ITPKB: variants seen among roughly 807,000 people sequenced by gnomAD.
ITPKB encodes the protein IP3 3-kinase B.
Under a neutral mutation model 69.4 loss-of-function variants are expected in ITPKB, and 13 were observed. The ratio of observed to expected loss-of-function variants is 0.19; its 90% CI spans 0.12 to 0.30. The LOEUF is 0.30. Ranked by LOEUF, ITPKB falls within the 10% of genes least tolerant of loss-of-function variation. The probability of loss-of-function intolerance (pLI) is 1.00; values close to 1 mark genes in which losing one functional copy is unlikely to be tolerated. For missense variants in ITPKB, 1,240 were observed against 1,250.5 expected (o/e 0.99, Z 0.13); for synonymous variants, 584 against 513.7 (o/e 1.14, Z -1.85).
Position 226,634,212 on chromosome 1 carries a change from C to T in ITPKB, c.*459G>A, listed in dbSNP as rs1428216564. On this transcript the variant is annotated 3_prime_UTR_variant, in exon 8 of 8. Transcript: ENST00000429204. This position sits in a 1 kb window ranked among gnomAD's most constrained non-coding sequence, Gnocchi z 6.3. ...CCTGCTCCCAGCCAGGGACCAGGAACCCGGCCGGCCCCCTGGGCTCTCCGG... is the reference window on the plus strand; with the variant it reads ...CCTGCTCCCAGCCAGGGACCAGGAATCCGGCCGGCCCCCTGGGCTCTCCGG... The T allele has an allele frequency of 1.9e-5, 3 of 159,564 alleles. No individual in the cohort carries two copies. The highest frequency in any genetic ancestry group is 4.2e-5 in the Non-Finnish European group (3 of 71,794). 9.9% of individuals were successfully genotyped at this position (159,564 alleles called of 1,614,324 possible).
At chr1:226,716,999 C>A (rs16846413) in intron 2 of ITPKB, among the ~76,000 whole-genome samples, 1 of 152,198 alleles carries the variant, frequency 6.6e-6, no homozygotes, top group Non-Finnish European at 1.5e-5. Flanking sequence ...GGAGAAATAA[C>A]CATGCCTTTT....
At chr1:226,700,071 A>C (rs1656597120) in intron 2 of ITPKB, among the ~76,000 whole-genome samples, 1 of 152,176 alleles carries the variant, frequency 6.6e-6, no homozygotes. Flanking sequence ...CTCGCAGCTA[A>C]TTAGATGGTG....
intron 2 of ITPKB, among the ~76,000 whole-genome samples, chr1:226,717,214 G>T (rs1657118171): frequency 6.6e-6 from 1 of 152,174 alleles, no homozygotes; most frequent in Non-Finnish European, 1.5e-5. Flanking sequence ...ACTTTCTGCT[G>T]CCCCCTCCTG....
At chr1:226,647,123 C>T in intron 4 of ITPKB, 44 bp downstream of exon 4, 1 of 1,577,066 alleles carries the variant, frequency 6.3e-7, no homozygotes. Flanking sequence ...TGCCATGTGG[C>T]TTGCACTGAG....
chr1:226,726,431 G>T, intron 2 of ITPKB, among the ~76,000 whole-genome samples: 1 of 152,168 alleles, frequency 6.6e-6, no homozygotes, highest in Non-Finnish European at 1.5e-5. Context: ...GGCCAAGGCG[G>T]ATTGGGAGGC....
At chr1:226,707,610 T>G in intron 2 of ITPKB, 1 of 988,294 alleles carries the variant, frequency 1.0e-6, no homozygotes, top group Non-Finnish European at 1.2e-6. Flanking sequence ...GGGGGCTCAA[T>G]GGGGATAAAT....
chr1:226,697,108 A>G (rs1656507899), intron 2 of ITPKB, among the ~76,000 whole-genome samples: 2 of 152,264 alleles, frequency 1.3e-5, no homozygotes, highest in Non-Finnish European at 2.9e-5. Context: ...AATATAGTTC[A>G]CCAAAGCAGA....
chr1:226,713,293 T>C (rs997836120), intron 2 of ITPKB, among the ~76,000 whole-genome samples: 12 of 152,278 alleles, frequency 7.9e-5, no homozygotes, highest in Middle Eastern at 3.4e-3. Context: ...ACTCCCACAT[T>C]TACCCTGGCT....
chr1:226,648,148 G>A lies in ITPKB; in HGVS notation c.2032+524C>T, dbSNP rs548830141. 3.9e-4 allele frequency among the ~76,000 whole-genome samples: 59 copies of A among 152,298 alleles called. 1 individual carries two copies. In the South Asian group the frequency reaches 0.011, roughly 28 times the overall value. On this transcript the variant is annotated intron_variant, in intron 3 of 7. Coordinates refer to ENST00000429204, the MANE Select transcript of ITPKB (RefSeq NM_002221.4). ...TCCTAGCCACCTTCCTCCCAACACCGCACACCGCCCTGCAGTTATGGGGTG... is the reference window on the plus strand; with the variant it reads ...TCCTAGCCACCTTCCTCCCAACACCACACACCGCCCTGCAGTTATGGGGTG...
Position 226,735,543 on chromosome 1 carries a change from T to C in ITPKB, c.1916A>G (p.Gln639Arg), listed in dbSNP as rs1657719275. 1 of 1,518,600 alleles carries C rather than the reference T, an allele frequency of 6.6e-7. No individual in the cohort carries two copies. Among genetic ancestry groups the C allele is most frequent in the Admixed American group, 2.2e-5 (1 of 44,958 alleles). 94.1% of individuals were successfully genotyped at this position (1,518,600 alleles called of 1,614,324 possible). Residue 639 changes from glutamine to arginine, a missense_variant, in exon 2 of 8, where the codon CAG (glutamine) becomes CGG (arginine). Gln to Arg is a conservative substitution (Grantham distance 43). Transcript: ENST00000429204. Reference protein sequence around the residue: ...PNSAFLHTLDQQKPRVSKSWR... With the variant: ...PNSAFLHTLDRQKPRVSKSWR... ...AAGACTTACCACTCTAGGTTTCTGC[T>C]GGTCCAGGGTATGCAGGAAGGCTGA...
chr1:226,727,539 A>C (rs1169187578), intron 2 of ITPKB, among the ~76,000 whole-genome samples: 1 of 152,180 alleles, frequency 6.6e-6, no homozygotes, highest in East Asian at 1.9e-4. Context: ...GAAAATATTA[A>C]GCACTGGTAA....
intron 2 of ITPKB, among the ~76,000 whole-genome samples, chr1:226,733,520 A>G (rs1196194497): frequency 6.6e-6 from 1 of 152,122 alleles, no homozygotes; most frequent in Non-Finnish European, 1.5e-5. Flanking sequence ...CCAAAGCTCA[A>G]AAGTCCCTAG....
chr1:226,724,345 C>G (rs756769502), intron 2 of ITPKB, among the ~76,000 whole-genome samples: 12 of 152,162 alleles, frequency 7.9e-5, no homozygotes, highest in Non-Finnish European at 1.5e-4. Context: ...ATGACTTCTC[C>G]TCTTCCAAGG....
intron 4 of ITPKB, among the ~76,000 whole-genome samples, chr1:226,643,100 A>G (rs1013197282): frequency 2.6e-5 from 4 of 152,122 alleles, no homozygotes. Flanking sequence ...TTCCAACTCA[A>G]CTGCCTCACG....
rs971248953 is a variant in ITPKB, at chr1:226,634,899, T to A, written c.2626-13A>T. On this transcript the variant is annotated splice_polypyrimidine_tract_variant and intron_variant, in intron 7 of 7. Transcript: ENST00000429204. This position sits in a 1 kb window ranked among gnomAD's most constrained non-coding sequence, Gnocchi z 6.3. ...AGCTGCCAATGACCTGAGGAGAACA[T>A]GGGGGTGAAGGGTGAGCTGAAGCCC... 1.2e-6 allele frequency: 2 copies of A among 1,604,786 alleles called. No individual in the cohort carries two copies. The highest frequency in any genetic ancestry group is 3.4e-5 in the Admixed American group (2 of 59,574).
Position 226,707,189 on chromosome 1 carries a change from A to T in ITPKB, c.1932+28338T>A, listed in dbSNP as rs967462193. ...GCCAAATAAAGTACAATCTTTTTTT[A>T]TTTTTTATTTATTTATTTATTTTTG... On this transcript the variant is annotated intron_variant, in intron 2 of 7. Coordinates refer to ENST00000429204, the MANE Select transcript of ITPKB (RefSeq NM_002221.4). The T allele has an allele frequency of 6.9e-6, 4 of 577,244 alleles. No homozygotes were observed. In the African/African-American group the frequency reaches 8.1e-5, roughly 12 times the overall value. 35.8% of individuals were successfully genotyped at this position (577,244 alleles called of 1,614,324 possible).
rs1221739177 is a variant in ITPKB, at chr1:226,736,445, G to A, written c.1014C>T (p.Pro338=). 34 of 1,613,408 alleles carry A rather than the reference G, an allele frequency of 2.1e-5. 1 individual carries two copies. The Admixed American group carries it at 5.7e-4, about 27-fold the overall frequency. ...CCTGCCTCTCCACCAGGGCCTCTGG[G>A]GGCTGCAGGTCCTCAAGCTCACGGG... The part of the protein sequence containing the change: ...GRARELEDLQ[P]PEALVERQGQ... The change falls in exon 2 of 8, where the codon CCC becomes CCT. Residue 338 remains proline (P), a synonymous_variant. Coordinates refer to ENST00000429204, the MANE Select transcript of ITPKB (RefSeq NM_002221.4).
At chr1:226,710,353 G>C (rs1003536397) in intron 2 of ITPKB, among the ~76,000 whole-genome samples, 1 of 152,212 alleles carries the variant, frequency 6.6e-6, no homozygotes, top group Non-Finnish European at 1.5e-5. Context: ...GTAAGTTTCA[G>C]GGCCCAGTGC....
chr1:226,637,749 A>G lies in ITPKB; in HGVS notation c.2555T>C (p.Ile852Thr). Residue 852 changes from isoleucine (I) to threonine (T), a missense_variant and splice_region_variant, in exon 7 of 8, where the codon ATC becomes ACC. Ile to Thr is a moderately conservative substitution (Grantham distance 89). This residue lies in a region of ITPKB where 248 missense variants were observed against 396.7 expected (regional missense o/e 0.63). Transcript: ENST00000429204. The surrounding 1 kb of genome is among the most constrained non-coding windows in gnomAD (Gnocchi z 4.3). ...EFTKGNHNIL[I>T]AYRDRLKAIR... is the part of the protein sequence containing the mutation. ...GGCCTTCAGCCGGTCCCGATAGGCG[A>G]TCTGGGAATAGAAAGAGGACCAGAT... is the stretch of plus-strand genomic sequence containing the variant. The G allele has an allele frequency of 6.2e-7, 1 of 1,613,098 alleles. No individual in the cohort carries two copies. The highest frequency in any genetic ancestry group is 8.5e-7 in the Non-Finnish European group (1 of 1,179,250).
Sources: gnomAD v4.1 joint callset for allele counts (sites outside exome capture counted in the v4.1 genomes callset) on GRCh38, gnomAD v4.1.1 for gene constraint, gnomAD v4.1.1 regional missense constraint, Gnocchi (gnomAD v3.1) non-coding constraint, MANE v1.5 for transcripts, NCBI Gene and HGNC (gene_info 2026-07-23, HGNC 2026-07-21) for gene names.